The following RBFOX1 variants were observed in gnomAD, a reference collection of about 807,000 sequenced individuals.
The protein encoded by RBFOX1 is RNA binding fox-1 homolog 1, also known as RNA binding protein fox-1 homolog 1.
In RBFOX1, 8 loss-of-function variants were observed where a neutral mutation model predicts 57.7. The observed-to-expected ratio is 0.14, with a 90% confidence interval of 0.08 to 0.25. RBFOX1 has a LOEUF of 0.25. Ranked by LOEUF, RBFOX1 falls within the 10% of genes least tolerant of loss-of-function variation. The probability of loss-of-function intolerance (pLI) is 1.00; values close to 1 mark genes in which losing one functional copy is unlikely to be tolerated. For synonymous variants in RBFOX1, 326 were observed against 222.4 expected (o/e 1.47, Z -4.15); for missense variants, 611 against 548.5 (o/e 1.11, Z -1.14).
At chr16:6,292,192 C>G (rs770794926) in intron 1 of RBFOX1, among the ~76,000 whole-genome samples, 76 of 152,144 alleles carry the variant, frequency 5.0e-4, no homozygotes, top group Non-Finnish European at 7.9e-4. Flanking sequence ...CCCAAGAGGT[C>G]AAGGCTGCAG....
intron 2 of RBFOX1, among the ~76,000 whole-genome samples, chr16:5,525,251 C>T (rs2151021001): frequency 6.6e-6 from 1 of 152,158 alleles, no homozygotes; most frequent in Non-Finnish European, 1.5e-5. Context: ...ATCACTGTTC[C>T]TCAGCTGAGA....
intron 4 of RBFOX1, among the ~76,000 whole-genome samples, chr16:7,227,451 C>T (rs1388208700): frequency 6.6e-6 from 1 of 152,164 alleles, no homozygotes; most frequent in Non-Finnish European, 1.5e-5. Context: ...ATTAATAAAG[C>T]ACTTAAAAGT....
At chr16:6,650,889 G>A (rs949208101) in intron 2 of RBFOX1, among the ~76,000 whole-genome samples, 1 of 151,972 alleles carries the variant, frequency 6.6e-6, no homozygotes, top group African/African-American at 2.4e-5. Flanking sequence ...AATGTTTTTT[G>A]GTTGTTTAAT....
intron 4 of RBFOX1, among the ~76,000 whole-genome samples, chr16:7,185,027 C>T (rs1241411745): frequency 6.6e-6 from 1 of 152,048 alleles, no homozygotes; most frequent in South Asian, 2.1e-4. Flanking sequence ...GGAAATTGAT[C>T]CTTAGATTAA....
intron 2 of RBFOX1, among the ~76,000 whole-genome samples, chr16:6,467,692 C>G (rs571886937): frequency 2.5e-4 from 38 of 152,294 alleles, no homozygotes; most frequent in African/African-American, 8.4e-4. Flanking sequence ...CTGCAGTCAT[C>G]CTGTGTGATA....
At chr16:5,560,739 T>C (rs1036997211) in intron 2 of RBFOX1, among the ~76,000 whole-genome samples, 1 of 152,218 alleles carries the variant, frequency 6.6e-6, no homozygotes, top group Non-Finnish European at 1.5e-5. Flanking sequence ...TTGGACCTGC[T>C]ATTGGACTTC....
intron 4 of RBFOX1, among the ~76,000 whole-genome samples, chr16:7,237,917 T>A (rs923982834): frequency 3.3e-5 from 5 of 152,166 alleles, no homozygotes; most frequent in African/African-American, 1.2e-4. Context: ...AGCATGAGAA[T>A]TGCTTGAACC....
At chr16:7,161,904 C>T (rs964942442) in intron 4 of RBFOX1, among the ~76,000 whole-genome samples, 1 of 152,220 alleles carries the variant, frequency 6.6e-6, no homozygotes, top group African/African-American at 2.4e-5. Context: ...TGTTTATTCT[C>T]CCTGGTAAAC....
intron 2 of RBFOX1, among the ~76,000 whole-genome samples, chr16:6,546,957 C>G (rs181733303): frequency 4.0e-4 from 61 of 152,300 alleles, no homozygotes; most frequent in Admixed American, 9.8e-4. Context: ...ATTCAATTAA[C>G]TTTCAAAAAG....
chr16:6,194,349 A>G (rs962545978), intron 1 of RBFOX1, among the ~76,000 whole-genome samples: 1 of 151,904 alleles, frequency 6.6e-6, no homozygotes, highest in Admixed American at 6.6e-5. Flanking sequence ...TTCCCCTTCA[A>G]ATCCCTCATG....
intron 3 of RBFOX1, among the ~76,000 whole-genome samples, chr16:5,811,089 G>C (rs547674423): frequency 1.3e-5 from 2 of 149,884 alleles, no homozygotes; most frequent in South Asian, 4.2e-4. Context: ...TTCTAAATCC[G>C]TACATTGGTT....
intron 1 of RBFOX1, among the ~76,000 whole-genome samples, chr16:6,259,866 C>A (rs1044696570): frequency 6.6e-6 from 1 of 150,412 alleles, no homozygotes; most frequent in Admixed American, 6.7e-5. Context: ...GAGGCTGAGG[C>A]AGGAGAATTG....
chr16:7,416,726 ATG>A lies in RBFOX1; in HGVS notation c.28-101419_28-101418del, dbSNP rs200268877. Among the ~76,000 whole-genome samples, 660 of 147,840 alleles carry A rather than the reference ATG, an allele frequency of 4.5e-3. 6 individuals are homozygous for A. Among genetic ancestry groups the A allele is most frequent in the African/African-American group, 0.016 (624 of 38,398 alleles). On this transcript the variant is annotated intron_variant, in intron 4 of 15. Coordinates refer to ENST00000550418, the MANE Select transcript of RBFOX1 (RefSeq NM_018723.4). ...GAGTAAAAGGCAAGCGACTTTAGGG[ATG>A]TTTTTTTTTCTTTCCACATATATGT...
intron 3 of RBFOX1, among the ~76,000 whole-genome samples, chr16:5,807,658 T>A (rs2055275957): frequency 6.6e-6 from 1 of 152,176 alleles, no homozygotes; most frequent in East Asian, 1.9e-4. Flanking sequence ...AATTCTGGAT[T>A]CTGGAAGTCC....
chr16:7,381,182 C>T (rs1048114301), intron 4 of RBFOX1, among the ~76,000 whole-genome samples: 10 of 152,198 alleles, frequency 6.6e-5, no homozygotes, highest in African/African-American at 2.4e-4. Context: ...AAACTTAAAA[C>T]AGCCTCTCAT....
chr16:5,364,061 G>A (rs891599175), intron 1 of RBFOX1, among the ~76,000 whole-genome samples: 2 of 152,172 alleles, frequency 1.3e-5, no homozygotes, highest in African/African-American at 4.8e-5. Context: ...ATTCCCCGAC[G>A]CTGGATATCA....
chr16:6,317,112 C>G, intron 2 of RBFOX1, 55 bp downstream of exon 2: 1 of 1,445,300 alleles, frequency 6.9e-7, no homozygotes, highest in Non-Finnish European at 9.4e-7. Context: ...TGTCTTTGAT[C>G]CTGTTCTCTC....
intron 4 of RBFOX1, among the ~76,000 whole-genome samples, chr16:7,160,684 C>A (rs997734271): frequency 6.6e-6 from 1 of 151,966 alleles, no homozygotes; most frequent in African/African-American, 2.4e-5. Context: ...TCTTAGTTTT[C>A]CTGGGGGGTT....
intron 2 of RBFOX1, among the ~76,000 whole-genome samples, chr16:6,500,571 C>T (rs2095880623): frequency 6.6e-6 from 1 of 152,066 alleles, no homozygotes; most frequent in South Asian, 2.1e-4. Flanking sequence ...AATAGAGTCC[C>T]TTCCCTCAAG....
Sources: allele counts gnomAD v4.1 joint callset (sites outside exome capture counted in the v4.1 genomes callset), GRCh38; gene constraint gnomAD v4.1.1; transcripts MANE v1.5; gene names NCBI Gene and HGNC (gene_info 2026-07-23, HGNC 2026-07-21).